DLEC1: variants seen among roughly 807,000 people sequenced by gnomAD.
DLEC1 encodes the protein DLEC1 cilia and flagella associated protein, also known as deleted in lung and esophageal cancer protein 1.
In DLEC1, 146 loss-of-function variants were observed where a neutral mutation model predicts 198.1. The ratio of observed to expected loss-of-function variants is 0.74; its 90% CI spans 0.64 to 0.85. The LOEUF is 0.85. Ranked by LOEUF, DLEC1 falls within the 40% of genes least tolerant of loss-of-function variation. The pLI is 0.00. For missense variants in DLEC1, 2,233 were observed against 2,220.0 expected (o/e 1.01, Z -0.12); for synonymous variants, 897 against 866.8 (o/e 1.03, Z -0.61).
At chr3:38,041,805 AC>A (rs1204862917) in intron 1 of DLEC1, among the ~76,000 whole-genome samples, 3 of 147,456 alleles carry the variant, frequency 2.0e-5, no homozygotes, top group Non-Finnish European at 3.0e-5. Flanking sequence ...CCAAGACTGC[AC>A]CACTGCACTC....
At chr3:38,118,374 C>CA (rs1343307758) in intron 33 of DLEC1, among the ~76,000 whole-genome samples, 21 of 152,344 alleles carry the variant, frequency 1.4e-4, no homozygotes, top group Admixed American at 1.2e-3. Context: ...CCCACACACA[C>CA]AGACTCCGTC....
rs1470963541 is a variant in DLEC1, at chr3:38,109,425, C to CT, written c.3130-5dup. The CT allele has an allele frequency of 1.7e-5, 28 of 1,613,944 alleles. No homozygotes were observed. Among genetic ancestry groups the CT allele is most frequent in the Non-Finnish European group, 2.3e-5 (27 of 1,179,966 alleles). On this transcript the variant is annotated splice_polypyrimidine_tract_variant and splice_region_variant and intron_variant, in intron 21 of 36. Coordinates refer to ENST00000308059, the MANE Select transcript of DLEC1 (RefSeq NM_007335.4). ...CTGGTCTGACCCCTGGATGGGCTTT[C>CT]TTATAGGAAGAGCTGACCCATCTGG...
intron 6 of DLEC1, among the ~76,000 whole-genome samples, chr3:38,083,801 T>G (rs978098243): frequency 7.2e-4 from 35 of 48,868 alleles, no homozygotes; most frequent in African/African-American, 3.0e-3. Context: ...AATTTTTTTG[T>G]TTTTTTTTTT....
intron 6 of DLEC1, among the ~76,000 whole-genome samples, chr3:38,072,939 T>C (rs1048018829): frequency 6.6e-6 from 1 of 152,166 alleles, no homozygotes; most frequent in Non-Finnish European, 1.5e-5. Context: ...AAGAAGGTCA[T>C]CAATATATTG....
intron 19 of DLEC1, among the ~76,000 whole-genome samples, chr3:38,105,373 G>A (rs1194413742): frequency 2.0e-5 from 3 of 152,082 alleles, no homozygotes; most frequent in Admixed American, 6.6e-5. Flanking sequence ...GGCTGTTGAA[G>A]TCTCCAACCA....
chr3:38,079,007 G>C (rs539030981), intron 6 of DLEC1, among the ~76,000 whole-genome samples: 1 of 152,212 alleles, frequency 6.6e-6, no homozygotes, highest in Non-Finnish European at 1.5e-5. Context: ...AAAACATGCT[G>C]TGGGATGGGA....
intron 6 of DLEC1, among the ~76,000 whole-genome samples, chr3:38,078,988 A>C (rs1261081300): frequency 1.3e-5 from 2 of 152,202 alleles, no homozygotes; most frequent in Admixed American, 1.3e-4. Flanking sequence ...AACAGGCTTT[A>C]ATCCTTTCAA....
At chr3:38,110,753 T>A (rs1699822187) in intron 23 of DLEC1, among the ~76,000 whole-genome samples, 1 of 151,648 alleles carries the variant, frequency 6.6e-6, no homozygotes, top group Admixed American at 6.6e-5. Context: ...AGGCAAGATC[T>A]AGAGTGCTGC....
At chr3:38,117,672 G>T (rs981914421) in intron 32 of DLEC1, 61 bp downstream of exon 32, 1 of 1,609,972 alleles carries the variant, frequency 6.2e-7, no homozygotes, top group Admixed American at 1.7e-5. Flanking sequence ...GTCTCTGTGT[G>T]CCCTTGTGGG....
At chr3:38,119,857 G>C (rs775137885) in intron 33 of DLEC1, among the ~76,000 whole-genome samples, 1 of 152,182 alleles carries the variant, frequency 6.6e-6, no homozygotes, top group Non-Finnish European at 1.5e-5. Flanking sequence ...GACAAAGCTT[G>C]TTAAGGCAGC....
At chr3:38,107,266 C>G (rs538398106) in intron 19 of DLEC1, among the ~76,000 whole-genome samples, 11 of 152,122 alleles carry the variant, frequency 7.2e-5, no homozygotes, top group Non-Finnish European at 1.2e-4. Flanking sequence ...GTGAAATAAG[C>G]CACTTTGAAA....
chr3:38,116,151 G>A lies in DLEC1; in HGVS notation c.3857-302G>A, dbSNP rs149839440. 3.5e-3 allele frequency among the ~76,000 whole-genome samples: 538 copies of A among 152,288 alleles called. 8 individuals carry two copies. Among genetic ancestry groups the A allele is most frequent in the East Asian group, 0.012 (64 of 5,184 alleles). On this transcript the variant is annotated intron_variant, in intron 27 of 36. Transcript: ENST00000308059. ...AGCCCAGCCTGCCCACAAACAGGCC[G>A]GAAGGAGAAGCAGCTGTGGGAGAGA...
rs751384382 is a variant in DLEC1, at chr3:38,114,329, GGT to G, written c.3667-8_3667-7del. On this transcript the variant is annotated splice_polypyrimidine_tract_variant and intron_variant, in intron 25 of 36. Transcript: ENST00000308059. ...GGTGACAGGAGTGACAAAGGGCTGG[GGT>G]GTGTTTGCAGGTGGGAGACCTGCTG... 2 of 1,613,522 alleles carry G rather than the reference GGT, an allele frequency of 1.2e-6. No individual in the cohort carries two copies. The highest frequency in any genetic ancestry group is 3.3e-5 in the Admixed American group (2 of 59,998).
chr3:38,095,715 C>T (rs1698980541), intron 13 of DLEC1, 173 bp from the exon 14 acceptor site: 2 of 728,836 alleles, frequency 2.7e-6, no homozygotes, highest in Non-Finnish European at 2.3e-6. Context: ...CTGGCAGCAA[C>T]TTCACTTTTC....
At chr3:38,116,401 G>T (rs983189134) in intron 27 of DLEC1, 52 bp from the exon 28 acceptor site, 4 of 1,599,676 alleles carry the variant, frequency 2.5e-6, no homozygotes, top group African/African-American at 1.3e-5. Flanking sequence ...GGGCCCCGGG[G>T]GGTTGTCTGC....
At position 38,107,755 on chromosome 3, in the gene DLEC1, A is replaced by G; in HGVS notation, c.3018+18A>G. On this transcript the variant is annotated intron_variant, in intron 20 of 36. Coordinates refer to ENST00000308059, the MANE Select transcript of DLEC1 (RefSeq NM_007335.4). ...GGGGCAAGGTGAGTGAGCCCACAGC[A>G]TCAGGCAGCAGTCTGCAGCCCTCAG... 1.2e-6 allele frequency: 2 copies of G among 1,611,680 alleles called. No individual in the cohort carries two copies. Among genetic ancestry groups the G allele is most frequent in the Non-Finnish European group, 1.7e-6 (2 of 1,178,746 alleles).
At chr3:38,114,850 C>A in intron 26 of DLEC1, 133 bp from the exon 27 acceptor site, 1 of 761,276 alleles carries the variant, frequency 1.3e-6, no homozygotes, top group East Asian at 2.7e-5. Context: ...AGCCCCAGGT[C>A]TCATTAATTC....
At chr3:38,088,978 C>T (rs1177511165) in intron 10 of DLEC1, among the ~76,000 whole-genome samples, 1 of 152,184 alleles carries the variant, frequency 6.6e-6, no homozygotes, top group African/African-American at 2.4e-5. Context: ...AATGGTGATA[C>T]TTCCTGTCCC....
chr3:38,057,487 GTC>G (rs1199403109), intron 2 of DLEC1, among the ~76,000 whole-genome samples: 1 of 143,868 alleles, frequency 7.0e-6, no homozygotes, highest in East Asian at 2.2e-4. Flanking sequence ...GCGAGACTGT[GTC>G]TCAAAAAAAA....
Sources: allele counts gnomAD v4.1 joint callset (sites outside exome capture counted in the v4.1 genomes callset), GRCh38; gene constraint gnomAD v4.1.1; transcripts MANE v1.5; gene names NCBI Gene and HGNC (gene_info 2026-07-23, HGNC 2026-07-21).